The following TBX20 variants were observed in gnomAD, a reference collection of about 807,000 sequenced individuals.
The protein encoded by TBX20 is T-box transcription factor 20.
TBX20 carries 8 observed loss-of-function variants against 42.9 expected under a neutral mutation model. The ratio of observed to expected loss-of-function variants is 0.19; its 90% CI spans 0.11 to 0.34. TBX20 has a LOEUF of 0.34. Ranked by LOEUF, TBX20 falls within the 10% of genes least tolerant of loss-of-function variation. TBX20 has a pLI of 1.00. For missense variants in TBX20, 411 were observed against 566.0 expected, an observed-to-expected ratio of 0.73 and a Z score of 2.78; for synonymous variants, 198 against 222.8, an observed-to-expected ratio of 0.89 and a Z score of 0.99.
At chr7:35,210,700 T>A (rs2128710561) in intron 6 of TBX20, among the ~76,000 whole-genome samples, 1 of 152,324 alleles carries the variant, frequency 6.6e-6, no homozygotes, top group East Asian at 1.9e-4. Flanking sequence ...TCTACTTTGA[T>A]ATTAATACAA....
intron 6 of TBX20, among the ~76,000 whole-genome samples, chr7:35,211,869 C>T (rs1010062004): frequency 1.3e-5 from 2 of 152,106 alleles, no homozygotes; most frequent in African/African-American, 4.8e-5. Context: ...CTTTATATCA[C>T]TAGTTTTGTG....
intron 6 of TBX20, among the ~76,000 whole-genome samples, chr7:35,206,012 T>C (rs1395443505): frequency 2.8e-4 from 43 of 152,234 alleles, no homozygotes; most frequent in Admixed American, 2.8e-3. Context: ...TTTGTGAAGT[T>C]AGAACACAGG....
intron 5 of TBX20, among the ~76,000 whole-genome samples, chr7:35,237,271 A>G (rs111356755): frequency 0.36 from 54,202 of 149,960 alleles, 10,090 homozygotes; most frequent in Admixed American, 0.46. Flanking sequence ...ATGTGGAAAG[A>G]TTTTTCTAAA....
rs139172381 is a variant in TBX20, at chr7:35,242,683, A to G, written c.655-1646T>C. Among the ~76,000 whole-genome samples the G allele has an allele frequency of 1.9e-3, 292 of 152,248 alleles. 1 individual carries two copies. Among genetic ancestry groups the G allele is most frequent in the African/African-American group, 6.9e-3 (286 of 41,544 alleles). On this transcript the variant is annotated intron_variant, in intron 4 of 7. Transcript: ENST00000408931. ...AATTTCCTTTGGGAAAGGTTACTGGACAGACTCAGACCCCAGACTGAGCCT... is the reference window on the plus strand; with the variant it reads ...AATTTCCTTTGGGAAAGGTTACTGGGCAGACTCAGACCCCAGACTGAGCCT...
chr7:35,238,547 T>C (rs768534950), intron 5 of TBX20, among the ~76,000 whole-genome samples: 6 of 152,220 alleles, frequency 3.9e-5, no homozygotes, highest in Non-Finnish European at 8.8e-5. Context: ...TAGCATGGTG[T>C]ACATTATAAA....
chr7:35,239,575 C>T (rs1306352399), intron 5 of TBX20, among the ~76,000 whole-genome samples: 1 of 152,208 alleles, frequency 6.6e-6, no homozygotes, highest in Non-Finnish European at 1.5e-5. Flanking sequence ...GCTTCAGCTT[C>T]CTCACCTGTG....
chr7:35,240,822 A>C, intron 5 of TBX20, 57 bp downstream of exon 5: 1 of 1,508,174 alleles, frequency 6.6e-7, no homozygotes, highest in Non-Finnish European at 9.2e-7. Context: ...AAGAAAATAT[A>C]AGAACCTCCT....
chr7:35,210,934 T>C (rs913238690), intron 6 of TBX20, among the ~76,000 whole-genome samples: 1 of 152,144 alleles, frequency 6.6e-6, no homozygotes, highest in African/African-American at 2.4e-5. Flanking sequence ...TGTTTTCTAT[T>C]TGTCCCATCT....
chr7:35,245,319 G>GGTGT (rs61706700), intron 3 of TBX20, among the ~76,000 whole-genome samples: 3,097 of 146,296 alleles, frequency 0.021, 131 homozygotes, highest in East Asian at 0.2. Flanking sequence ...TGTTTAAAGG[G>GGTGT]GTGTGTGTGT....
At chr7:35,226,610 C>T (rs1472307057) in intron 6 of TBX20, among the ~76,000 whole-genome samples, 2 of 152,062 alleles carry the variant, frequency 1.3e-5, no homozygotes, top group Non-Finnish European at 2.9e-5. Flanking sequence ...CAGTCATGTG[C>T]CACATCACAA....
At chr7:35,221,448 C>A (rs1343341820) in intron 6 of TBX20, among the ~76,000 whole-genome samples, 1 of 152,054 alleles carries the variant, frequency 6.6e-6, no homozygotes, top group Non-Finnish European at 1.5e-5. Context: ...TTCTGAATTT[C>A]AAAGATTGAG....
chr7:35,236,064 CAATAATGTA>C (rs1341193395), intron 5 of TBX20, among the ~76,000 whole-genome samples: 2 of 151,962 alleles, frequency 1.3e-5, no homozygotes, highest in African/African-American at 4.8e-5. Context: ...AGCTTTTATC[CAATAATGTA>C]AAGAAATGCA....
At chr7:35,203,550 C>T in intron 7 of TBX20, among the ~76,000 whole-genome samples, 1 of 152,092 alleles carries the variant, frequency 6.6e-6, no homozygotes, top group African/African-American at 2.4e-5. Flanking sequence ...TTTTCTCTAG[C>T]TTGATTATTA....
intron 4 of TBX20, among the ~76,000 whole-genome samples, chr7:35,243,861 T>C (rs1244545875): frequency 6.6e-6 from 1 of 152,216 alleles, no homozygotes; most frequent in Non-Finnish European, 1.5e-5. Context: ...TTGGTTGTAA[T>C]AAACACAGTC....
rs564683623 is a variant in TBX20, at chr7:35,241,432, T to C, written c.655-395A>G. 3.3e-5 allele frequency among the ~76,000 whole-genome samples: 5 copies of C among 152,348 alleles called. No individual in the cohort carries two copies. In the South Asian group the frequency reaches 1.0e-3, roughly 32 times the overall value. Reference sequence around the variant, plus strand: ...AAATCACATATTCTAAGAGGCCAGATTATTATTTATGGAGAAAAAAATAAA... The same window carrying C: ...AAATCACATATTCTAAGAGGCCAGACTATTATTTATGGAGAAAAAAATAAA... On this transcript the variant is annotated intron_variant, in intron 4 of 7. Transcript: ENST00000408931.
intron 1 of TBX20, 145 bp from the exon 2 acceptor site, chr7:35,250,348 A>ATGGG: frequency 4.0e-6 from 4 of 987,706 alleles, no homozygotes; most frequent in Non-Finnish European, 6.2e-6. Context: ...GGGATGACCC[A>ATGGG]TCATCACTGT....
intron 6 of TBX20, among the ~76,000 whole-genome samples, chr7:35,222,980 G>C (rs944518604): frequency 6.6e-6 from 1 of 152,198 alleles, no homozygotes; most frequent in Non-Finnish European, 1.5e-5. Context: ...AATAAGAGTG[G>C]AGGCAGAGAG....
chr7:35,225,880 G>C (rs1054975912), intron 6 of TBX20, among the ~76,000 whole-genome samples: 2 of 152,072 alleles, frequency 1.3e-5, no homozygotes, highest in Non-Finnish European at 2.9e-5. Context: ...TGCCATATCA[G>C]ATATTTAAAT....
At chr7:35,217,396 C>T (rs1226182241) in intron 6 of TBX20, among the ~76,000 whole-genome samples, 1 of 152,166 alleles carries the variant, frequency 6.6e-6, no homozygotes, top group Non-Finnish European at 1.5e-5. Context: ...AACAAATATT[C>T]TTCATACACA....
Sources: gnomAD v4.1 joint callset for allele counts (sites outside exome capture counted in the v4.1 genomes callset) on GRCh38, gnomAD v4.1.1 for gene constraint, MANE v1.5 for transcripts, NCBI Gene and HGNC (gene_info 2026-07-23, HGNC 2026-07-21) for gene names.